Variants in CLNK observed in about 807,000 individuals in gnomAD.
CLNK encodes cytokine dependent hematopoietic cell linker, also known as cytokine-dependent hematopoietic cell linker.
Under a neutral mutation model 68.6 loss-of-function variants are expected in CLNK, and 74 were observed. The ratio of observed to expected loss-of-function variants is 1.08; its 90% CI spans 0.89 to 1.31. The LOEUF (loss-of-function observed/expected upper bound fraction) is 1.31. CLNK is among the 50% of genes most tolerant of loss of function. The pLI, the probability that CLNK is intolerant of heterozygous loss-of-function variation, is 0.00. For synonymous variants in CLNK, 198 were observed against 172.2 expected (o/e 1.15, Z -1.17); for missense variants, 553 against 515.3 (o/e 1.07, Z -0.71).
the CLNK span, among the ~76,000 whole-genome samples, chr4:10,719,480 T>C: frequency 6.6e-6 from 1 of 151,916 alleles, no homozygotes; most frequent in Non-Finnish European, 1.5e-5. Flanking sequence ...GAACATAATA[T>C]GATAAAAGGG....
chr4:10,558,822 T>C (rs1719779560), intron 7 of CLNK, among the ~76,000 whole-genome samples: 1 of 152,186 alleles, frequency 6.6e-6, no homozygotes, highest in African/African-American at 2.4e-5. Context: ...TGGGATCAGG[T>C]ACATGAAAGC....
At chr4:10,651,653 G>C (rs1358788927) in intron 2 of CLNK, among the ~76,000 whole-genome samples, 1 of 151,940 alleles carries the variant, frequency 6.6e-6, no homozygotes, top group Non-Finnish European at 1.5e-5. Flanking sequence ...CTAACTATTT[G>C]GGTAAATATT....
intron 11 of CLNK, among the ~76,000 whole-genome samples, chr4:10,536,889 G>T (rs1412202235): frequency 6.6e-6 from 1 of 151,924 alleles, no homozygotes; most frequent in South Asian, 2.1e-4. Flanking sequence ...TGTGGTTTGT[G>T]CCCGCAGAGG....
intron 8 of CLNK, among the ~76,000 whole-genome samples, chr4:10,550,309 T>C (rs1031853428): frequency 2.0e-5 from 3 of 152,086 alleles, no homozygotes; most frequent in African/African-American, 4.8e-5. Context: ...CTGGCTAACA[T>C]GGTGAAACCC....
At chr4:10,690,120 C>T in the CLNK span, among the ~76,000 whole-genome samples, 1 of 152,066 alleles carries the variant, frequency 6.6e-6, no homozygotes, top group Admixed American at 6.6e-5. Context: ...AGAAATAACT[C>T]CCTGGTCAAC....
intron 2 of CLNK, among the ~76,000 whole-genome samples, chr4:10,638,032 A>T (rs1210193931): frequency 6.6e-6 from 1 of 152,022 alleles, no homozygotes; most frequent in Non-Finnish European, 1.5e-5. Flanking sequence ...GTCTCATTTT[A>T]CCTATGCTCC....
chr4:10,518,091 G>T (rs1370346995), intron 15 of CLNK, among the ~76,000 whole-genome samples: 2 of 151,968 alleles, frequency 1.3e-5, no homozygotes, highest in African/African-American at 4.8e-5. Context: ...GAGAATGGAG[G>T]GTCAAGGAAA....
intron 7 of CLNK, 125 bp downstream of exon 7, chr4:10,564,546 C>T: frequency 1.5e-6 from 1 of 683,732 alleles, no homozygotes; most frequent in Non-Finnish European, 2.6e-6. Flanking sequence ...CTCCCATCCA[C>T]CTCAGTGAGC....
chr4:10,592,699 GTTT>G, intron 3 of CLNK, among the ~76,000 whole-genome samples: 1 of 151,592 alleles, frequency 6.6e-6, no homozygotes, highest in African/African-American at 2.4e-5. Flanking sequence ...CTTGTTGTTT[GTTT>G]GTTTGTTTGT....
intron 2 of CLNK, among the ~76,000 whole-genome samples, chr4:10,627,058 C>T (rs1433525874): frequency 6.6e-6 from 1 of 152,228 alleles, no homozygotes; most frequent in Non-Finnish European, 1.5e-5. Flanking sequence ...AAGCGGTGTC[C>T]AGGGCAGCTT....
chr4:10,567,787 G>A (rs1415370777), intron 5 of CLNK, among the ~76,000 whole-genome samples: 5 of 152,136 alleles, frequency 3.3e-5, no homozygotes, highest in African/African-American at 1.2e-4. Flanking sequence ...TTTCTTCAAA[G>A]AAGATATGCA....
At position 10,618,982 on chromosome 4, in the gene CLNK, A is replaced by G. The variant is rs573743066; in HGVS notation, c.12-20933T>C. 5.4e-4 allele frequency among the ~76,000 whole-genome samples: 83 copies of G among 152,352 alleles called. 1 individual carries two copies. In the Middle Eastern group the frequency reaches 0.01, roughly 19 times the overall value. Reference sequence around the variant, plus strand: ...ATATTGTATGCCTAAATAAATTTATATCTAAAAGAAGGTTCAGGAGAAAAG... The same window carrying G: ...ATATTGTATGCCTAAATAAATTTATGTCTAAAAGAAGGTTCAGGAGAAAAG... On this transcript the variant is annotated intron_variant, in intron 2 of 18. Coordinates refer to ENST00000226951, the MANE Select transcript of CLNK (RefSeq NM_052964.4).
chr4:10,719,986 GA>G, the CLNK span, among the ~76,000 whole-genome samples: 4 of 150,094 alleles, frequency 2.7e-5, no homozygotes, highest in Non-Finnish European at 5.9e-5. Context: ...CGTGGAAATT[GA>G]AAAAAAAATT....
intron 2 of CLNK, among the ~76,000 whole-genome samples, chr4:10,638,097 C>G (rs1723166090): frequency 6.6e-6 from 1 of 152,114 alleles, no homozygotes; most frequent in African/African-American, 2.4e-5. Context: ...GAATGTAGCC[C>G]CGAACTGTAC....
intron 7 of CLNK, among the ~76,000 whole-genome samples, chr4:10,560,155 G>T (rs551349726): frequency 2.0e-5 from 3 of 152,156 alleles, no homozygotes; most frequent in Non-Finnish European, 4.4e-5. Flanking sequence ...GTCTGCGTGC[G>T]TTTGCACACT....
chr4:10,490,657 T>G (rs1236989389), intron 18 of CLNK, 44 bp from the exon 19 acceptor site: 2 of 1,512,706 alleles, frequency 1.3e-6, no homozygotes, highest in African/African-American at 1.4e-5. Flanking sequence ...AAATATCTTT[T>G]GTGTCTGTAG....
At chr4:10,607,116 G>T (rs1044962034) in intron 2 of CLNK, among the ~76,000 whole-genome samples, 1 of 152,188 alleles carries the variant, frequency 6.6e-6, no homozygotes, top group Admixed American at 6.5e-5. Flanking sequence ...GTTGATGATT[G>T]GTAGTCCATT....
chr4:10,506,854 C>T lies in CLNK; in HGVS notation c.984+1105G>A, dbSNP rs527520795. Among the ~76,000 whole-genome samples, 8 of 152,162 alleles carry T rather than the reference C, an allele frequency of 5.3e-5. No individual in the cohort carries two copies. In the East Asian group the frequency reaches 1.4e-3, roughly 26 times the overall value. On this transcript the variant is annotated intron_variant, in intron 17 of 18. Transcript: ENST00000226951. Reference sequence around the variant, plus strand: ...TCGCTCTGTCGCCCAGGCTGGAGTGCGGTGGCGCGATCTCAGCTCACTGCA... The same window carrying T: ...TCGCTCTGTCGCCCAGGCTGGAGTGTGGTGGCGCGATCTCAGCTCACTGCA...
chr4:10,599,871 A>ACC (rs1293345337), intron 2 of CLNK, among the ~76,000 whole-genome samples: 4 of 152,116 alleles, frequency 2.6e-5, no homozygotes, highest in Non-Finnish European at 4.4e-5. Flanking sequence ...TCCAGCATCT[A>ACC]CCCCTAGCTG....
Sources: gnomAD v4.1 joint callset for allele counts (sites outside exome capture counted in the v4.1 genomes callset) on GRCh38, gnomAD v4.1.1 for gene constraint, MANE v1.5 for transcripts, NCBI Gene and HGNC (gene_info 2026-07-23, HGNC 2026-07-21) for gene names.